STAG1: variants seen among roughly 807,000 people sequenced by gnomAD.
The protein encoded by STAG1 is STAG1 cohesin complex component.
A neutral mutation model predicts 170.9 loss-of-function variants in STAG1; 26 were observed. The ratio of observed to expected loss-of-function variants is 0.15; its 90% CI spans 0.11 to 0.21. The LOEUF (loss-of-function observed/expected upper bound fraction) is 0.21, where lower values mean the gene tolerates loss of function less well. Ranked by LOEUF, STAG1 falls within the 10% of genes least tolerant of loss-of-function variation. The probability of loss-of-function intolerance (pLI) is 1.00; values close to 1 mark genes in which losing one functional copy is unlikely to be tolerated. For missense variants in STAG1, 964 were observed against 1,509.5 expected, an observed-to-expected ratio of 0.64 and a Z score of 5.99; for synonymous variants, 514 against 497.7, an observed-to-expected ratio of 1.03 and a Z score of -0.44.
intron 4 of STAG1, among the ~76,000 whole-genome samples, chr3:136,574,720 C>T (rs1409781040): frequency 3.3e-5 from 5 of 152,046 alleles, no homozygotes; most frequent in African/African-American, 1.2e-4. Context: ...AAATTCATAG[C>T]CATGGCTGAA....
At chr3:136,524,658 ATCCCTG>A (rs1461166001) in intron 6 of STAG1, among the ~76,000 whole-genome samples, 2 of 152,200 alleles carry the variant, frequency 1.3e-5, no homozygotes, top group African/African-American at 2.4e-5. Context: ...GAGAGAGGGC[ATCCCTG>A]TCTTGTGCCA....
intron 1 of STAG1, among the ~76,000 whole-genome samples, chr3:136,658,145 G>A (rs546101951): frequency 2.7e-5 from 4 of 149,912 alleles, no homozygotes; most frequent in South Asian, 2.1e-4. Context: ...AGCTATGATC[G>A]TGCCACTGTA....
intron 9 of STAG1, among the ~76,000 whole-genome samples, chr3:136,478,933 T>C (rs1188114884): frequency 6.6e-6 from 1 of 152,096 alleles, no homozygotes; most frequent in Non-Finnish European, 1.5e-5. Context: ...ATCTCTAAAA[T>C]AGTGGTAATA....
At chr3:136,478,402 T>C (rs2089817335) in intron 9 of STAG1, among the ~76,000 whole-genome samples, 1 of 152,240 alleles carries the variant, frequency 6.6e-6, no homozygotes, top group Non-Finnish European at 1.5e-5. Context: ...AATACAATGT[T>C]AACACTTTTA....
intron 1 of STAG1, among the ~76,000 whole-genome samples, chr3:136,642,516 T>C (rs900780286): frequency 6.6e-6 from 1 of 152,034 alleles, no homozygotes. Flanking sequence ...TCCACCCGCC[T>C]CGGCCTCCCA....
chr3:136,353,213 G>A (rs1936503736), intron 28 of STAG1, among the ~76,000 whole-genome samples: 1 of 152,176 alleles, frequency 6.6e-6, no homozygotes, highest in African/African-American at 2.4e-5. Flanking sequence ...GAGCATGAGA[G>A]AAGTATGGGA....
intron 7 of STAG1, among the ~76,000 whole-genome samples, chr3:136,516,571 G>C (rs1349204611): frequency 6.6e-6 from 1 of 151,938 alleles, no homozygotes; most frequent in Non-Finnish European, 1.5e-5. Flanking sequence ...CTTAACAGCG[G>C]TTCTTGAAAG....
intron 1 of STAG1, among the ~76,000 whole-genome samples, chr3:136,689,276 C>A (rs1393919619): frequency 1.3e-5 from 2 of 152,146 alleles, no homozygotes; most frequent in South Asian, 4.1e-4. Flanking sequence ...AATTGCCAAA[C>A]CTAGAATGGC....
chr3:136,667,654 C>A (rs1276672513), intron 1 of STAG1, among the ~76,000 whole-genome samples: 1 of 152,120 alleles, frequency 6.6e-6, no homozygotes, highest in Admixed American at 6.5e-5. Context: ...TGCCACCACG[C>A]CCAGCTAAGT....
At chr3:136,501,811 T>C (rs1933493007) in intron 8 of STAG1, among the ~76,000 whole-genome samples, 1 of 152,196 alleles carries the variant, frequency 6.6e-6, no homozygotes, top group Non-Finnish European at 1.5e-5. Context: ...TATTCTTTTT[T>C]CAAGTTATAA....
chr3:136,670,558 G>A (rs1941947790), intron 1 of STAG1, among the ~76,000 whole-genome samples: 1 of 152,106 alleles, frequency 6.6e-6, no homozygotes, highest in Admixed American at 6.6e-5. Context: ...TCAGCTCACT[G>A]CAACCTCTAC....
intron 1 of STAG1, among the ~76,000 whole-genome samples, chr3:136,651,939 C>T (rs2107856676): frequency 6.6e-6 from 1 of 152,208 alleles, no homozygotes; most frequent in Non-Finnish European, 1.5e-5. Context: ...AGAGGTAACA[C>T]CTGAAGTCAG....
chr3:136,515,462 A>T (rs1934322025), intron 7 of STAG1, among the ~76,000 whole-genome samples: 1 of 152,238 alleles, frequency 6.6e-6, no homozygotes, highest in Non-Finnish European at 1.5e-5. Context: ...CTCAGGAAAC[A>T]AAAGATAAAT....
chr3:136,381,735 C>T (rs968599203), intron 22 of STAG1, among the ~76,000 whole-genome samples: 1 of 151,882 alleles, frequency 6.6e-6, no homozygotes, highest in Non-Finnish European at 1.5e-5. Context: ...TGAAAAGTAA[C>T]TAAAAGAACA....
At chr3:136,576,462 T>A (rs923731166) in intron 4 of STAG1, among the ~76,000 whole-genome samples, 1 of 152,174 alleles carries the variant, frequency 6.6e-6, no homozygotes, top group African/African-American at 2.4e-5. Context: ...ATCTGAATCA[T>A]AGATTACATT....
At chr3:136,728,796 G>T (rs1397978817) in intron 1 of STAG1, among the ~76,000 whole-genome samples, 1 of 152,144 alleles carries the variant, frequency 6.6e-6, no homozygotes, top group African/African-American at 2.4e-5. Context: ...AAAATGCCTG[G>T]TGAGATGATG....
Position 136,500,313 on chromosome 3 carries a change from T to C in STAG1, c.829-17A>G, listed in dbSNP as rs769471872. ...TTCTTGCAGCTGAAATGAAAAAATA[T>C]ATATAAGTTGAAATCCTGATCATTT... On this transcript the variant is annotated splice_polypyrimidine_tract_variant and intron_variant, in intron 8 of 33. Transcript: ENST00000383202. The C allele has an allele frequency of 3.9e-5, 59 of 1,511,488 alleles. No homozygotes were observed. The highest frequency in any genetic ancestry group is 1.9e-5 in the Non-Finnish European group (21 of 1,098,910). 93.6% of individuals were successfully genotyped at this position (1,511,488 alleles called of 1,614,324 possible).
At chr3:136,355,947 G>C (rs547159678) in intron 28 of STAG1, among the ~76,000 whole-genome samples, 4 of 152,104 alleles carry the variant, frequency 2.6e-5, no homozygotes, top group Non-Finnish European at 5.9e-5. Flanking sequence ...AAAATGTATA[G>C]CTGTAAATGC....
In STAG1 at chr3:136,464,913, A is replaced by G; in HGVS notation, c.1281T>C (p.Val427=). ...GAAGGAACTCTCCAGCTGCCACAGC[A>G]ACAGGGCGATGTGCCGAGTACACCA... is the stretch of plus-strand genomic sequence containing the variant. ...YHLVYSAHRP[V]AVAAGEFLHK... is the part of the protein sequence containing the mutation. The change falls in exon 13 of 34, where the codon GTT becomes GTC. Residue 427 remains valine (V), a synonymous_variant. Transcript: ENST00000383202. 1 of 1,612,698 alleles carries G rather than the reference A, an allele frequency of 6.2e-7. No individual in the cohort carries two copies. Among genetic ancestry groups the G allele is most frequent in the East Asian group, 2.2e-5 (1 of 44,844 alleles).
Sources: allele counts gnomAD v4.1 joint callset (sites outside exome capture counted in the v4.1 genomes callset), GRCh38; gene constraint gnomAD v4.1.1; transcripts MANE v1.5; gene names NCBI Gene and HGNC (gene_info 2026-07-23, HGNC 2026-07-21).